The following CTNNA1 variants were observed in gnomAD, a reference collection of about 807,000 sequenced individuals.
CTNNA1 encodes the protein catenin alpha 1.
In CTNNA1, 37 loss-of-function variants were observed where a neutral mutation model predicts 98.4. That is an observed-to-expected ratio of 0.38 (90% confidence interval 0.29 to 0.49). CTNNA1 has a LOEUF of 0.49. Ranked by LOEUF, CTNNA1 falls within the 20% of genes least tolerant of loss-of-function variation. The pLI, the probability that CTNNA1 is intolerant of heterozygous loss-of-function variation, is 0.95. For synonymous variants in CTNNA1, 404 were observed against 413.2 expected (o/e 0.98, Z 0.27); for missense variants, 761 against 1,147.2 (o/e 0.66, Z 4.86).
At chr5:138,923,636 C>T (rs28363469) in intron 11 of CTNNA1, among the ~76,000 whole-genome samples, 1,611 of 152,218 alleles carry the variant, frequency 0.011, 26 homozygotes, top group African/African-American at 0.037. Flanking sequence ...GCCATCCTCC[C>T]GCCTCAGCCT....
At chr5:138,770,656 A>G (rs1753439932) in intron 1 of CTNNA1, among the ~76,000 whole-genome samples, 1 of 152,188 alleles carries the variant, frequency 6.6e-6, no homozygotes, top group South Asian at 2.1e-4. Flanking sequence ...AGATGTTGTC[A>G]AGACAGAAAG....
intron 3 of CTNNA1, among the ~76,000 whole-genome samples, chr5:138,794,787 G>T (rs148422983): frequency 6.6e-6 from 1 of 152,202 alleles, no homozygotes; most frequent in Admixed American, 6.5e-5. Flanking sequence ...GGATTATCTT[G>T]AAGTTAGGAG....
chr5:138,821,522 G>A (rs1262374020), intron 5 of CTNNA1, among the ~76,000 whole-genome samples: 1 of 152,164 alleles, frequency 6.6e-6, no homozygotes, highest in African/African-American at 2.4e-5. Flanking sequence ...TGGATTGTTT[G>A]ACCATGGACC....
At chr5:138,864,059 C>T (rs1764521530) in intron 7 of CTNNA1, among the ~76,000 whole-genome samples, 1 of 152,160 alleles carries the variant, frequency 6.6e-6, no homozygotes, top group South Asian at 2.1e-4. Flanking sequence ...ACTTCTGAGA[C>T]TCAAGTGATC....
At chr5:138,790,210 T>G (rs1049412939) in intron 3 of CTNNA1, among the ~76,000 whole-genome samples, 1 of 152,226 alleles carries the variant, frequency 6.6e-6, no homozygotes, top group Non-Finnish European at 1.5e-5. Flanking sequence ...TCATGCATGT[T>G]AACTGCCAGC....
chr5:138,867,996 C>T (rs1352012327), intron 7 of CTNNA1, among the ~76,000 whole-genome samples: 1 of 152,174 alleles, frequency 6.6e-6, no homozygotes, highest in Non-Finnish European at 1.5e-5. Context: ...AGGTGATCCA[C>T]CCACCTCAGC....
intron 1 of CTNNA1, among the ~76,000 whole-genome samples, chr5:138,778,293 TG>T (rs1349823742): frequency 6.6e-6 from 1 of 152,150 alleles, no homozygotes; most frequent in African/African-American, 2.4e-5. Context: ...CGCGCCCGGC[TG>T]CTTTGACATT....
intron 9 of CTNNA1, among the ~76,000 whole-genome samples, chr5:138,898,817 T>C (rs767896863): frequency 5.3e-5 from 8 of 152,338 alleles, no homozygotes; most frequent in Middle Eastern, 3.4e-3. Context: ...TAGTAGACTT[T>C]CTCAGTTTAT....
intron 5 of CTNNA1, among the ~76,000 whole-genome samples, chr5:138,822,091 C>T (rs1254301688): frequency 6.6e-6 from 1 of 152,088 alleles, no homozygotes; most frequent in Admixed American, 6.6e-5. Context: ...AAATATATCC[C>T]TCATACTTTG....
In CTNNA1 at chr5:138,767,467, C is replaced by T. The variant is rs958598269; in HGVS notation, c.-3+13957C>T. 2.0e-5 allele frequency among the ~76,000 whole-genome samples: 3 copies of T among 152,322 alleles called. No homozygotes were observed. In the East Asian group the frequency reaches 5.8e-4, roughly 29 times the overall value. ...TGTCCTTCACAACCTGAAACAGCCT[C>T]CCTGCCCTCAAACAGTACGTCAGAT... is the stretch of plus-strand genomic sequence containing the variant. On this transcript the variant is annotated intron_variant, in intron 1 of 17. Coordinates refer to ENST00000302763, the MANE Select transcript of CTNNA1 (RefSeq NM_001903.5).
intron 1 of CTNNA1, among the ~76,000 whole-genome samples, chr5:138,768,551 G>A (rs983776897): frequency 1.8e-4 from 26 of 146,550 alleles, no homozygotes; most frequent in African/African-American, 6.4e-4. Flanking sequence ...ATGAGACAAC[G>A]GTGTCTGTTT....
chr5:138,864,149 G>C (rs1453473534), intron 7 of CTNNA1, among the ~76,000 whole-genome samples: 3 of 152,124 alleles, frequency 2.0e-5, no homozygotes, highest in Non-Finnish European at 2.9e-5. Context: ...GTAGAGACAG[G>C]GTTTTGCCAT....
chr5:138,869,357 CCTTA>C (rs1364272358), intron 7 of CTNNA1: 3 of 150,534 alleles, frequency 2.0e-5, no homozygotes, highest in Admixed American at 6.6e-5. Context: ...CTATAGATGG[CCTTA>C]CTGTCTCTCT....
At chr5:138,759,814 A>G (rs1752112315) in intron 1 of CTNNA1, among the ~76,000 whole-genome samples, 1 of 151,950 alleles carries the variant, frequency 6.6e-6, no homozygotes, top group East Asian at 1.9e-4. Context: ...AAATTAACCC[A>G]ATTTACTGTC....
chr5:138,803,414 T>C (rs1486863934), intron 3 of CTNNA1, among the ~76,000 whole-genome samples: 1 of 152,184 alleles, frequency 6.6e-6, no homozygotes, highest in Admixed American at 6.5e-5. Flanking sequence ...CCTGGACTTT[T>C]CAAAGTGCTG....
rs5871685 is a variant in CTNNA1, at chr5:138,895,503, T to TG, written c.1296+7871dup. Among the ~76,000 whole-genome samples, 651 of 146,336 alleles carry TG rather than the reference T, an allele frequency of 4.4e-3. 3 individuals are homozygous for TG. Among genetic ancestry groups the TG allele is most frequent in the South Asian group, 0.023 (104 of 4,526 alleles). On this transcript the variant is annotated intron_variant, in intron 9 of 17. Coordinates refer to ENST00000302763, the MANE Select transcript of CTNNA1 (RefSeq NM_001903.5). ...ACTGACATTGATTTGAGCAGTTTTT[T>TG]GGGGGGGGGGATGGGAGTGGCTAGA...
chr5:138,770,851 C>G (rs1035176201), intron 1 of CTNNA1, among the ~76,000 whole-genome samples: 3 of 151,726 alleles, frequency 2.0e-5, no homozygotes, highest in Non-Finnish European at 4.4e-5. Flanking sequence ...ACTTGGGAAG[C>G]TGAGGCAGGA....
intron 1 of CTNNA1, among the ~76,000 whole-genome samples, chr5:138,766,832 T>G (rs1217388858): frequency 6.6e-6 from 1 of 152,162 alleles, no homozygotes; most frequent in Non-Finnish European, 1.5e-5. Flanking sequence ...AAGGCATGTC[T>G]CGTCACTTCC....
chr5:138,820,891 C>T (rs996252032), intron 5 of CTNNA1, among the ~76,000 whole-genome samples: 3 of 152,194 alleles, frequency 2.0e-5, no homozygotes, highest in South Asian at 2.1e-4. Flanking sequence ...ATAGAGGTTA[C>T]GTAATCTTGC....
Sources: allele counts gnomAD v4.1 joint callset (sites outside exome capture counted in the v4.1 genomes callset), GRCh38; gene constraint gnomAD v4.1.1; transcripts MANE v1.5; gene names NCBI Gene and HGNC (gene_info 2026-07-23, HGNC 2026-07-21).